Variants in SP140L observed in about 807,000 individuals in gnomAD.
SP140L encodes nuclear body protein SP140-like protein.
Under a neutral mutation model 84.3 loss-of-function variants are expected in SP140L, and 64 were observed. The observed-to-expected ratio is 0.76, with a 90% confidence interval of 0.62 to 0.94. The LOEUF is 0.94. SP140L is among the 40% of genes least tolerant of loss of function. The probability of loss-of-function intolerance (pLI) is 0.00; values close to 1 mark genes in which losing one functional copy is unlikely to be tolerated. For synonymous variants in SP140L, 242 were observed against 236.9 expected, an observed-to-expected ratio of 1.02 and a Z score of -0.20; for missense variants, 628 against 692.5, an observed-to-expected ratio of 0.91 and a Z score of 1.05.
intron 11 of SP140L, 61 bp from the exon 12 acceptor site, chr2:230,392,026 G>A (rs2061832058): frequency 1.5e-5 from 24 of 1,603,096 alleles, no homozygotes; most frequent in Non-Finnish European, 2.0e-5. Context: ...TGTGGTGAGT[G>A]GCCACAGTCT....
At chr2:230,360,624 C>T (rs1230861571) in intron 4 of SP140L, among the ~76,000 whole-genome samples, 2 of 152,166 alleles carry the variant, frequency 1.3e-5, no homozygotes, top group African/African-American at 4.8e-5. Context: ...TTCTCAGGGG[C>T]TCTGTTCCTC....
intron 2 of SP140L, among the ~76,000 whole-genome samples, chr2:230,347,931 C>T (rs1221925034): frequency 6.6e-6 from 1 of 152,232 alleles, no homozygotes; most frequent in Non-Finnish European, 1.5e-5. Flanking sequence ...GTGATCCATG[C>T]ACTGGCCACT....
intron 2 of SP140L, among the ~76,000 whole-genome samples, chr2:230,351,952 T>C (rs1255019759): frequency 6.6e-6 from 1 of 152,212 alleles, no homozygotes; most frequent in Non-Finnish European, 1.5e-5. Flanking sequence ...TGGGCTTTAT[T>C]CAGTTTTAAT....
At chr2:230,376,868 C>G (rs541888184) in intron 7 of SP140L, among the ~76,000 whole-genome samples, 1 of 152,058 alleles carries the variant, frequency 6.6e-6, no homozygotes, top group South Asian at 2.1e-4. Context: ...TAAAAACACA[C>G]ATAAACCAAT....
rs1429840574 is a variant in SP140L, at chr2:230,382,198, G to A, written c.638-1312G>A. 5.8e-5 allele frequency among the ~76,000 whole-genome samples: 7 copies of A among 121,730 alleles called. No homozygotes were observed. In the East Asian group the frequency reaches 2.0e-3, roughly 35 times the overall value. 79.9% of individuals were successfully genotyped at this position (121,730 alleles called of 152,430 possible). A position where few individuals can be genotyped will look rare whatever the true frequency, so the allele number is the denominator to read the frequency against. Reference sequence around the variant, plus strand: ...CACCCCAACAAATGACTGAGAACAGGGGTAGGGACAATGTCTAGAGGGTTC... The same window carrying A: ...CACCCCAACAAATGACTGAGAACAGAGGTAGGGACAATGTCTAGAGGGTTC... On this transcript the variant is annotated intron_variant, in intron 7 of 18. Transcript: ENST00000415673.
At chr2:230,329,969 T>C (rs928039632) in intron 2 of SP140L, among the ~76,000 whole-genome samples, 1 of 152,208 alleles carries the variant, frequency 6.6e-6, no homozygotes, top group Non-Finnish European at 1.5e-5. Context: ...GGTTTTTCTT[T>C]TTTAGGTTTT....
At chr2:230,335,187 C>A (rs1337577368) in intron 2 of SP140L, among the ~76,000 whole-genome samples, 1 of 152,006 alleles carries the variant, frequency 6.6e-6, no homozygotes, top group Non-Finnish European at 1.5e-5. Context: ...TCTTGCTTAA[C>A]ATTTTTATAT....
intron 4 of SP140L, among the ~76,000 whole-genome samples, chr2:230,360,649 G>A (rs1336084302): frequency 6.6e-6 from 1 of 152,094 alleles, no homozygotes; most frequent in Admixed American, 6.6e-5. Flanking sequence ...TGGACTGCAG[G>A]GATTCCCTTC....
At chr2:230,357,219 G>A (rs1017052931) in intron 2 of SP140L, among the ~76,000 whole-genome samples, 1 of 152,158 alleles carries the variant, frequency 6.6e-6, no homozygotes, top group Non-Finnish European at 1.5e-5. Context: ...AGAACCAGAT[G>A]TTCCAGGAGA....
chr2:230,371,096 G>A, intron 6 of SP140L, 129 bp downstream of exon 6: 1 of 748,630 alleles, frequency 1.3e-6, no homozygotes, highest in East Asian at 2.7e-5. Flanking sequence ...AAGCCTTTGG[G>A]GAACTGCAGA....
chr2:230,391,684 A>C (rs1220892170), intron 11 of SP140L: 1 of 185,192 alleles, frequency 5.4e-6, no homozygotes, highest in Non-Finnish European at 1.2e-5. Flanking sequence ...TGTACCCCTA[A>C]GTAAGGATTC....
At chr2:230,348,923 A>G (rs926276830) in intron 2 of SP140L, among the ~76,000 whole-genome samples, 1 of 152,236 alleles carries the variant, frequency 6.6e-6, no homozygotes, top group East Asian at 1.9e-4. Context: ...ACAAGTTATT[A>G]AGGATTTCAG....
At position 230,403,548 on chromosome 2, in the gene SP140L, G is replaced by C. The variant is rs529121121; in HGVS notation, c.*652G>C. ...TGAAAACCAGCCAAGCTTTATTCAC[G>C]ACACACTTCTTCCCTTCACTCTCCC... is the stretch of plus-strand genomic sequence containing the variant. On this transcript the variant is annotated 3_prime_UTR_variant, in exon 19 of 19. Transcript: ENST00000415673. 1 of 152,278 alleles carries C rather than the reference G, an allele frequency of 6.6e-6. No individual in the cohort carries two copies. The highest frequency in any genetic ancestry group is 1.9e-4 in the East Asian group (1 of 5,184). 9.4% of individuals were successfully genotyped at this position (152,278 alleles called of 1,614,324 possible). A position where few individuals can be genotyped will look rare whatever the true frequency, so the allele number is the denominator to read the frequency against.
chr2:230,328,725 T>A (rs142291915), intron 1 of SP140L, 32 bp from the exon 2 acceptor site: 1 of 1,606,426 alleles, frequency 6.2e-7, no homozygotes, highest in East Asian at 2.2e-5. Context: ...GTTATTTACT[T>A]GTTTATAGAT....
At chr2:230,391,939 G>A in intron 11 of SP140L, 148 bp from the exon 12 acceptor site, 1 of 1,074,826 alleles carries the variant, frequency 9.3e-7, no homozygotes, top group Non-Finnish European at 1.3e-6. Context: ...TGGATTTGGG[G>A]CCTCTGAAGT....
intron 14 of SP140L, among the ~76,000 whole-genome samples, chr2:230,397,734 A>G (rs988327644): frequency 6.6e-6 from 1 of 152,178 alleles, no homozygotes; most frequent in Non-Finnish European, 1.5e-5. Flanking sequence ...ATAGTTTTAT[A>G]CACACCTTAC....
intron 7 of SP140L, among the ~76,000 whole-genome samples, chr2:230,377,866 A>G (rs2061295371): frequency 6.6e-6 from 1 of 152,020 alleles, no homozygotes; most frequent in Admixed American, 6.5e-5. Flanking sequence ...TTCCTTTATA[A>G]TCTGTGATTT....
chr2:230,335,061 G>C (rs751513472), intron 2 of SP140L, among the ~76,000 whole-genome samples: 1 of 151,826 alleles, frequency 6.6e-6, no homozygotes, highest in Non-Finnish European at 1.5e-5. Flanking sequence ...GTTGTTTATT[G>C]TTGTCTTTTC....
intron 7 of SP140L, among the ~76,000 whole-genome samples, chr2:230,379,012 CT>C (rs986683065): frequency 6.6e-6 from 1 of 152,136 alleles, no homozygotes; most frequent in Non-Finnish European, 1.5e-5. Context: ...CAGCATTCTG[CT>C]TTATCCATAT....
Sources: allele counts gnomAD v4.1 joint callset (sites outside exome capture counted in the v4.1 genomes callset), GRCh38; gene constraint gnomAD v4.1.1; transcripts MANE v1.5; gene names NCBI Gene and HGNC (gene_info 2026-07-23, HGNC 2026-07-21).